The following NTM variants were observed in gnomAD, a reference collection of about 807,000 sequenced individuals.
The protein encoded by NTM is neurotrimin.
NTM carries 13 observed loss-of-function variants against 42.1 expected under a neutral mutation model. The ratio of observed to expected loss-of-function variants is 0.31; its 90% CI spans 0.20 to 0.49. The LOEUF (loss-of-function observed/expected upper bound fraction) is 0.49, where lower values mean the gene tolerates loss of function less well. Among genes scored for constraint, NTM ranks in the 20% least tolerant of loss-of-function variants. NTM has a pLI of 0.99. For synonymous variants in NTM, 187 were observed against 179.2 expected (o/e 1.04, Z -0.35); for missense variants, 373 against 452.8 (o/e 0.82, Z 1.60).
intron 1 of NTM, among the ~76,000 whole-genome samples, chr11:131,523,782 C>CAAAAAAAAAA (rs3040114): frequency 1.8e-4 from 13 of 72,136 alleles, no homozygotes; most frequent in African/African-American, 3.1e-4. Flanking sequence ...GACTCCATCT[C>CAAAAAAAAAA]AAAAAAAAAA....
intron 1 of NTM, among the ~76,000 whole-genome samples, chr11:131,706,809 C>T (rs2076638273): frequency 6.6e-6 from 1 of 151,806 alleles, no homozygotes; most frequent in Admixed American, 6.6e-5. Flanking sequence ...CATAACATAC[C>T]AAAACACATA....
intron 1 of NTM, among the ~76,000 whole-genome samples, chr11:131,872,387 C>T (rs555068649): frequency 5.1e-4 from 78 of 152,274 alleles, no homozygotes; most frequent in African/African-American, 1.7e-3. Flanking sequence ...CAGTGTCCTT[C>T]GTTCTTGTTG....
At chr11:131,671,337 C>T in intron 1 of NTM, 2 of 766,468 alleles carry the variant, frequency 2.6e-6, no homozygotes, top group Non-Finnish European at 1.6e-6. Context: ...CCCCGCCCAA[C>T]CCCATCACTG....
At chr11:131,625,156 TA>T (rs1227215432) in intron 1 of NTM, among the ~76,000 whole-genome samples, 1 of 152,154 alleles carries the variant, frequency 6.6e-6, no homozygotes, top group Non-Finnish European at 1.5e-5. Context: ...CCACATCATT[TA>T]AAAAAATACT....
At chr11:131,949,002 C>G (rs2060686955) in intron 2 of NTM, among the ~76,000 whole-genome samples, 1 of 152,174 alleles carries the variant, frequency 6.6e-6, no homozygotes, top group African/African-American at 2.4e-5. Context: ...CTCCCTCCAG[C>G]CTCCGGGAGA....
intron 1 of NTM, chr11:131,663,565 G>C (rs990010954): frequency 6.6e-6 from 1 of 152,300 alleles, no homozygotes; most frequent in Non-Finnish European, 1.5e-5. Flanking sequence ...CTAGCTTTGA[G>C]GGAGCAGCAG....
In NTM at chr11:131,401,824, A is replaced by ATATGTG. The variant is rs1206290181; in HGVS notation, c.82+30939_82+30940insGTGTAT. ...AATATATATATATATATATATATAT[A>ATATGTG]TATATATATATATATATATATATAT... On this transcript the variant is annotated intron_variant, in intron 1 of 8. Transcript: ENST00000683400. Among the ~76,000 whole-genome samples, 256 of 64,092 alleles carry ATATGTG rather than the reference A, an allele frequency of 4.0e-3. 9 individuals are homozygous for ATATGTG. Among genetic ancestry groups the ATATGTG allele is most frequent in the South Asian group, 7.0e-3 (12 of 1,722 alleles). The allele number at this position is 64,092 out of a possible 152,430, so 42.0% of individuals were successfully genotyped here.
intron 2 of NTM, among the ~76,000 whole-genome samples, chr11:132,111,670 A>C (rs1047455921): frequency 1.3e-5 from 2 of 152,230 alleles, no homozygotes; most frequent in Non-Finnish European, 2.9e-5. Context: ...ACCTCCTGAA[A>C]ACAGTTGTAG....
At chr11:131,681,431 CTGTGT>C (rs2072814377) in intron 1 of NTM, among the ~76,000 whole-genome samples, 4 of 4,812 alleles carry the variant, frequency 8.3e-4, no homozygotes, top group African/African-American at 2.5e-3. Context: ...GTGTGTGTTT[CTGTGT>C]CTGTATGTCT....
chr11:131,844,209 G>A (rs942864346), intron 1 of NTM, among the ~76,000 whole-genome samples: 3 of 151,356 alleles, frequency 2.0e-5, no homozygotes, highest in African/African-American at 7.4e-5. Flanking sequence ...ATGTTTGTGT[G>A]TGATGTGAGA....
At chr11:132,070,502 T>C (rs1358593497) in intron 2 of NTM, among the ~76,000 whole-genome samples, 1 of 115,668 alleles carries the variant, frequency 8.6e-6, no homozygotes, top group Non-Finnish European at 1.8e-5. Flanking sequence ...CCGTCACAGG[T>C]TAGTTAACAC....
intron 1 of NTM, among the ~76,000 whole-genome samples, chr11:131,448,047 C>A (rs1950197197): frequency 6.6e-6 from 1 of 152,248 alleles, no homozygotes; most frequent in Non-Finnish European, 1.5e-5. Flanking sequence ...CCCCACCCTG[C>A]CCTGCTGCCA....
chr11:131,635,097 G>A (rs542455807), intron 1 of NTM, among the ~76,000 whole-genome samples: 16 of 152,124 alleles, frequency 1.1e-4, no homozygotes, highest in Admixed American at 2.0e-4. Flanking sequence ...TGTAACCATC[G>A]TAACGTCATA....
At chr11:132,031,025 C>T (rs374334106) in intron 2 of NTM, among the ~76,000 whole-genome samples, 4 of 152,122 alleles carry the variant, frequency 2.6e-5, no homozygotes, top group South Asian at 2.1e-4. Flanking sequence ...AACACCAGGG[C>T]GCAAAATGAC....
At chr11:131,925,383 C>CTTTTTTTTTTTTTTTTTTTTTT (rs61493262) in intron 2 of NTM, among the ~76,000 whole-genome samples, 1 of 111,454 alleles carries the variant, frequency 9.0e-6, no homozygotes, top group Non-Finnish European at 1.8e-5. Context: ...TTTCTTTTCT[C>CTTTTTTTTTTTTTTTTTTTTTT]TTTTTTTTTT....
At chr11:131,376,958 GA>G (rs1942055424) in intron 1 of NTM, among the ~76,000 whole-genome samples, 1 of 152,132 alleles carries the variant, frequency 6.6e-6, no homozygotes, top group Non-Finnish European at 1.5e-5. Flanking sequence ...GCAACTAACG[GA>G]TAAGACCAAA....
Position 131,893,338 on chromosome 11 carries a change from C to G in NTM, c.83-18226C>G, listed in dbSNP as rs555893825. Reference sequence around the variant, plus strand: ...ATATAAATGAGTCAGTTTCCTCCTTCGTAAAGAAGAAAATGATTCGGAGTT... The same window carrying G: ...ATATAAATGAGTCAGTTTCCTCCTTGGTAAAGAAGAAAATGATTCGGAGTT... On this transcript the variant is annotated intron_variant, in intron 1 of 8. Transcript: ENST00000683400. Among the ~76,000 whole-genome samples the G allele has an allele frequency of 5.9e-5, 9 of 152,248 alleles. No individual in the cohort carries two copies. The South Asian group carries it at 1.7e-3, about 28-fold the overall frequency.
intron 1 of NTM, among the ~76,000 whole-genome samples, chr11:131,613,389 G>A (rs773721746): frequency 2.1e-4 from 32 of 152,058 alleles, no homozygotes; most frequent in Non-Finnish European, 2.4e-4. Context: ...CATGGTCCTC[G>A]GTGAGGAGCA....
intron 1 of NTM, among the ~76,000 whole-genome samples, chr11:131,906,620 C>A (rs187092935): frequency 2.6e-5 from 4 of 152,162 alleles, no homozygotes; most frequent in African/African-American, 7.2e-5. Context: ...CCTTTCGCTG[C>A]GTCGGCACTT....
Sources: gnomAD v4.1 joint callset for allele counts (sites outside exome capture counted in the v4.1 genomes callset) on GRCh38, gnomAD v4.1.1 for gene constraint, MANE v1.5 for transcripts, NCBI Gene and HGNC (gene_info 2026-07-23, HGNC 2026-07-21) for gene names.